Variants in PSEN2 observed in about 807,000 individuals in gnomAD.
PSEN2 encodes presenilin-2.
Under a neutral mutation model 49.1 loss-of-function variants are expected in PSEN2, and 32 were observed. That is an observed-to-expected ratio of 0.65 (90% CI 0.49 to 0.88). The LOEUF is 0.88. Ranked by LOEUF, PSEN2 falls within the 40% of genes least tolerant of loss-of-function variation. The probability of loss-of-function intolerance (pLI) is 0.00; values close to 1 mark genes in which losing one functional copy is unlikely to be tolerated. For synonymous variants in PSEN2, 255 were observed against 244.0 expected (o/e 1.05, Z -0.42); for missense variants, 522 against 586.9 (o/e 0.89, Z 1.14).
At chr1:226,900,038 G>A (rs1662261008), downstream of PSEN2, among the ~76,000 whole-genome samples, 1 of 152,194 alleles carries the variant, frequency 6.6e-6, no homozygotes, top group African/African-American at 2.4e-5. Context: ...GTTATGGCGT[G>A]TCTTTTGGTT....
chr1:226,900,741 T>C (rs549331757), downstream of PSEN2, among the ~76,000 whole-genome samples: 2 of 152,266 alleles, frequency 1.3e-5, no homozygotes, highest in African/African-American at 4.8e-5. Flanking sequence ...ATGTGACTAA[T>C]GGCCAACTGA....
chr1:226,880,446 G>A (rs202195827), intron 3 of PSEN2: 44 of 1,321,232 alleles, frequency 3.3e-5, no homozygotes, highest in Non-Finnish European at 3.9e-5. Context: ...TCAGCAGAGC[G>A]CACACCTGCT....
At chr1:226,901,240 A>G (rs879630342), downstream of PSEN2, among the ~76,000 whole-genome samples, 9 of 152,146 alleles carry the variant, frequency 5.9e-5, no homozygotes, top group Admixed American at 5.2e-4. Flanking sequence ...GTTCGAGACC[A>G]GCCTGGCCGA....
At chr1:226,884,968 G>A (rs1319205397) in intron 5 of PSEN2, among the ~76,000 whole-genome samples, 1 of 152,158 alleles carries the variant, frequency 6.6e-6, no homozygotes, top group Non-Finnish European at 1.5e-5. Flanking sequence ...AAAGCTTATA[G>A]TGTGTGGGGG....
In PSEN2 at chr1:226,895,782, G is replaced by A; in HGVS notation, c.*203G>A. 1 of 634,242 alleles carries A rather than the reference G, an allele frequency of 1.6e-6. No individual in the cohort carries two copies. Among genetic ancestry groups the A allele is most frequent in the Non-Finnish European group, 2.7e-6 (1 of 368,470 alleles). The allele number at this position is 634,242 out of a possible 1,614,324, so 39.3% of individuals were successfully genotyped here. A position where few individuals can be genotyped will look rare whatever the true frequency, so the allele number is the denominator to read the frequency against. On this transcript the variant is annotated 3_prime_UTR_variant, in exon 13 of 13. Transcript: ENST00000366783. Reference sequence around the variant, plus strand: ...CAGACTTTGGCTCCCGCTTTGGGGAGCGCCTCGCTTCACGGACAGGAAGCA... The same window carrying A: ...CAGACTTTGGCTCCCGCTTTGGGGAACGCCTCGCTTCACGGACAGGAAGCA...
chr1:226,893,741 A>G (rs115699328), intron 11 of PSEN2, among the ~76,000 whole-genome samples: 305 of 152,298 alleles, frequency 2.0e-3, no homozygotes, highest in Non-Finnish European at 3.4e-3. Context: ...AGTGCCCAAC[A>G]CTGGTTTTAC....
downstream of PSEN2, chr1:226,897,612 TA>T (rs1662194580): frequency 6.4e-6 from 1 of 155,116 alleles, no homozygotes; most frequent in Admixed American, 6.5e-5. Flanking sequence ...AGAGAATTTG[TA>T]AAAGACAGCA....
chr1:226,895,443 T>C lies in PSEN2; in HGVS notation c.1211T>C (p.Leu404Pro). The C allele has an allele frequency of 6.2e-7, 1 of 1,614,110 alleles. No homozygotes were observed. The highest frequency in any genetic ancestry group is 8.5e-7 in the Non-Finnish European group (1 of 1,180,030). Residue 404 changes from leucine to proline, a missense_variant, in exon 13 of 13, where the codon CTG (leucine) becomes CCG (proline). Leu to Pro is a moderately conservative substitution (Grantham distance 98, BLOSUM62 -3). Transcript: ENST00000366783. ...AILIGLCLTL[L>P]LLAVFKKALP... ...CTGCAGGGCTTGTGTCTGACCCTCC[T>C]GCTGCTTGCTGTGTTCAAGAAGGCG...
chr1:226,901,083 C>T (rs886792318), downstream of PSEN2, among the ~76,000 whole-genome samples: 6 of 152,114 alleles, frequency 3.9e-5, no homozygotes, highest in African/African-American at 1.4e-4. Flanking sequence ...AATAGGTCCT[C>T]CCTGCAGTGT....
At chr1:226,880,545 A>AGACAGCGCTCACTCAGCCTCTG (rs1558141973) in intron 3 of PSEN2, 1 of 1,098,134 alleles carries the variant, frequency 9.1e-7, no homozygotes, top group South Asian at 1.6e-5. Flanking sequence ...GCCTCTGGAC[A>AGACAGCGCTCACTCAGCCTCTG]GACAGCGATC....
chr1:226,880,448 A>G (rs199862712), intron 3 of PSEN2: 5 of 1,357,080 alleles, frequency 3.7e-6, no homozygotes, highest in Non-Finnish European at 4.9e-6. Context: ...AGCAGAGCGC[A>G]CACCTGCTAT....
At position 226,875,459 on chromosome 1, in the gene PSEN2, T is replaced by C. The variant is rs1199590329; in HGVS notation, c.-112T>C. The C allele has an allele frequency of 6.6e-6, 1 of 152,168 alleles. No homozygotes were observed. Among genetic ancestry groups the C allele is most frequent in the Admixed American group, 6.5e-5 (1 of 15,278 alleles). The allele number at this position is 152,168 out of a possible 1,614,324, so 9.4% of individuals were successfully genotyped here. A position where few individuals can be genotyped will look rare whatever the true frequency, so the allele number is the denominator to read the frequency against. On this transcript the variant is annotated 5_prime_UTR_variant, in exon 3 of 13. Coordinates refer to ENST00000366783, the MANE Select transcript of PSEN2 (RefSeq NM_000447.3). ...TGTTAAAAACCAGCGCTGCCCTCTT[T>C]GAAAGCCAGGGAGCATCATTCATTT...
chr1:226,879,104 T>C (rs1220993249), intron 3 of PSEN2, among the ~76,000 whole-genome samples: 1 of 152,206 alleles, frequency 6.6e-6, no homozygotes, highest in Non-Finnish European at 1.5e-5. Context: ...ACTCCTGGGC[T>C]CAAGCGATCT....
At chr1:226,878,546 A>C (rs532288189) in intron 3 of PSEN2, among the ~76,000 whole-genome samples, 1 of 152,290 alleles carries the variant, frequency 6.6e-6, no homozygotes, top group East Asian at 1.9e-4. Context: ...TTGGGAGCCT[A>C]AGAAACACAA....
intron 3 of PSEN2, among the ~76,000 whole-genome samples, chr1:226,878,815 A>G (rs989665108): frequency 1.3e-5 from 2 of 152,236 alleles, no homozygotes; most frequent in African/African-American, 4.8e-5. Context: ...ACAGCCTCGT[A>G]TCTCATCCAG....
chr1:226,897,627 G>A (rs1213141587), downstream of PSEN2: 1 of 155,168 alleles, frequency 6.4e-6, no homozygotes, highest in East Asian at 1.9e-4. Flanking sequence ...GACAGCATTC[G>A]AACATGCCGA....
chr1:226,881,974 G>T lies in PSEN2; in HGVS notation c.67G>T (p.Ala23Ser). 1 of 1,614,094 alleles carries T rather than the reference G, an allele frequency of 6.2e-7. No individual in the cohort carries two copies. Among genetic ancestry groups the T allele is most frequent in the Non-Finnish European group, 8.5e-7 (1 of 1,179,974 alleles). ...TGATGAGCGGACGTCCCTAATGTCG[G>T]CTGAGAGCCCCACGCCGCGCTCCTG... ...VCDERTSLMS[A>S]ESPTPRSCQE... Residue 23 changes from alanine to serine, a missense_variant, in exon 4 of 13, where the codon GCT becomes TCT. By Grantham distance (99) the Ala-to-Ser change is moderately conservative. Transcript: ENST00000366783.
At chr1:226,873,956 G>A (rs967238190) in intron 2 of PSEN2, among the ~76,000 whole-genome samples, 1 of 152,002 alleles carries the variant, frequency 6.6e-6, no homozygotes, top group Non-Finnish European at 1.5e-5. Flanking sequence ...CCTCCCTTTT[G>A]CCCCAGAGAA....
chr1:226,891,610 C>G, intron 10 of PSEN2, 133 bp from the exon 11 acceptor site: 1 of 863,818 alleles, frequency 1.2e-6, no homozygotes, highest in Non-Finnish European at 1.9e-6. Context: ...GCCCTGGTGT[C>G]AGGTGCTGGT....
Sources: allele counts gnomAD v4.1 joint callset (sites outside exome capture counted in the v4.1 genomes callset), GRCh38; gene constraint gnomAD v4.1.1; transcripts MANE v1.5; gene names NCBI Gene and HGNC (gene_info 2026-07-23, HGNC 2026-07-21).